Variants in CAMK4 observed in about 807,000 individuals in gnomAD.
The protein encoded by CAMK4 is calcium/calmodulin dependent protein kinase IV, also known as calcium/calmodulin-dependent protein kinase type IV.
Under a neutral mutation model 44.9 loss-of-function variants are expected in CAMK4, and 22 were observed. The ratio of observed to expected loss-of-function variants is 0.49; its 90% confidence interval spans 0.35 to 0.70. The LOEUF is 0.70. CAMK4 is among the 30% of genes least tolerant of loss of function. CAMK4 has a pLI of 0.01. For synonymous variants in CAMK4, 218 were observed against 215.4 expected (o/e 1.01, Z -0.11); for missense variants, 498 against 586.8 (o/e 0.85, Z 1.56).
At position 111,374,945 on chromosome 5, in the gene CAMK4, T is replaced by C. The variant is rs371867545; in HGVS notation, c.303+33T>C. 5.0e-4 allele frequency: 727 copies of C among 1,455,868 alleles called. 7 individuals are homozygous for C. The South Asian group carries it at 5.6e-3, about 11-fold the overall frequency. The allele number at this position is 1,455,868 out of a possible 1,614,324, so 90.2% of individuals were successfully genotyped here. A position where few individuals can be genotyped will look rare whatever the true frequency, so the allele number is the denominator to read the frequency against. The stretch of plus-strand genomic sequence containing the variant: ...GTTTTTAACCTACTATTTCAAATGA[T>C]TGCCAGAGCTAGAGAAAGGGACCTT... On this transcript the variant is annotated intron_variant, in intron 3 of 10. Coordinates refer to ENST00000282356, the MANE Select transcript of CAMK4 (RefSeq NM_001744.6).
At chr5:111,260,313 G>A (rs1320160928) in intron 1 of CAMK4, among the ~76,000 whole-genome samples, 2 of 152,046 alleles carry the variant, frequency 1.3e-5, no homozygotes, top group Non-Finnish European at 2.9e-5. Flanking sequence ...TATCTTTCTG[G>A]CATTTCATAG....
chr5:111,225,776 G>A (rs1748159915), intron 1 of CAMK4, among the ~76,000 whole-genome samples: 2 of 152,140 alleles, frequency 1.3e-5, no homozygotes, highest in South Asian at 2.1e-4. Flanking sequence ...TACTATTGAA[G>A]GCTCATTGAA....
intron 1 of CAMK4, among the ~76,000 whole-genome samples, chr5:111,273,029 AGTT>A (rs1750581769): frequency 6.6e-6 from 1 of 151,974 alleles, no homozygotes; most frequent in Admixed American, 6.6e-5. Flanking sequence ...CTGAGTCAGG[AGTT>A]GTTGTAAAGG....
chr5:111,375,173 C>T (rs780526532), intron 3 of CAMK4, among the ~76,000 whole-genome samples: 3 of 152,058 alleles, frequency 2.0e-5, no homozygotes, highest in Non-Finnish European at 4.4e-5. Flanking sequence ...GGATAAAAAT[C>T]GAAGAGTTTT....
At chr5:111,470,532 C>A (rs551494521) in intron 7 of CAMK4, among the ~76,000 whole-genome samples, 1 of 152,242 alleles carries the variant, frequency 6.6e-6, no homozygotes, top group Admixed American at 6.5e-5. Flanking sequence ...TATATCTCAA[C>A]ATAAACTGCA....
chr5:111,389,862 ACATTTGTG>A (rs1245983406), intron 4 of CAMK4, among the ~76,000 whole-genome samples: 1 of 151,850 alleles, frequency 6.6e-6, no homozygotes, highest in African/African-American at 2.4e-5. Context: ...GACACTAATT[ACATTTGTG>A]CTGGATGATA....
At chr5:111,420,682 G>T (rs544856760) in intron 5 of CAMK4, among the ~76,000 whole-genome samples, 1 of 152,176 alleles carries the variant, frequency 6.6e-6, no homozygotes, top group Non-Finnish European at 1.5e-5. Context: ...ACCTCTAGGC[G>T]TGTATTCTCT....
chr5:111,365,544 A>G (rs1158511351), intron 2 of CAMK4, among the ~76,000 whole-genome samples: 2 of 152,012 alleles, frequency 1.3e-5, no homozygotes, highest in South Asian at 2.1e-4. Flanking sequence ...GAGGTGGGAA[A>G]ATGACTACAA....
chr5:111,225,768 C>T (rs1340408906), intron 1 of CAMK4, among the ~76,000 whole-genome samples: 2 of 152,172 alleles, frequency 1.3e-5, no homozygotes, highest in African/African-American at 4.8e-5. Flanking sequence ...TTTGCTAGTA[C>T]TATTGAAGGC....
rs567729897 is a variant in CAMK4, at chr5:111,287,550, C to T, written c.162-56474C>T. The stretch of plus-strand genomic sequence containing the variant: ...AAGGAAAGTTTACTTTTCAAACATA[C>T]GTATTTACTAATACGATAGTCATAT... On this transcript the variant is annotated intron_variant, in intron 1 of 10. Transcript: ENST00000282356. 3.3e-5 allele frequency among the ~76,000 whole-genome samples: 5 copies of T among 152,222 alleles called. No individual in the cohort carries two copies. The East Asian group carries it at 5.8e-4, about 18-fold the overall frequency.
intron 8 of CAMK4, among the ~76,000 whole-genome samples, chr5:111,475,960 T>A (rs1426202754): frequency 6.6e-6 from 1 of 152,206 alleles, no homozygotes; most frequent in Non-Finnish European, 1.5e-5. Flanking sequence ...AATGAAGAAT[T>A]AGAACTAAAG....
chr5:111,234,338 T>A (rs1748618762), intron 1 of CAMK4, among the ~76,000 whole-genome samples: 1 of 152,078 alleles, frequency 6.6e-6, no homozygotes, highest in Non-Finnish European at 1.5e-5. Context: ...ACGGTTTTGA[T>A]AAGAACTTAC....
chr5:111,403,994 G>A (rs1402661493), intron 5 of CAMK4, among the ~76,000 whole-genome samples: 1 of 152,114 alleles, frequency 6.6e-6, no homozygotes, highest in African/African-American at 2.4e-5. Context: ...CTTATAAAAG[G>A]TTACAGGCTG....
At chr5:111,424,726 C>A (rs1413632677) in intron 5 of CAMK4, among the ~76,000 whole-genome samples, 1 of 151,228 alleles carries the variant, frequency 6.6e-6, no homozygotes, top group Non-Finnish European at 1.5e-5. Context: ...GGATTACAGG[C>A]GTGAGCCACC....
chr5:111,267,254 G>T (rs953827864), intron 1 of CAMK4, among the ~76,000 whole-genome samples: 1 of 152,146 alleles, frequency 6.6e-6, no homozygotes, highest in African/African-American at 2.4e-5. Context: ...TTTCAAGATC[G>T]TAATTTGGGC....
intron 5 of CAMK4, among the ~76,000 whole-genome samples, chr5:111,422,534 C>T (rs1049365336): frequency 1.3e-5 from 2 of 152,134 alleles, no homozygotes; most frequent in Non-Finnish European, 2.9e-5. Flanking sequence ...TTTTAAGTCT[C>T]ATTCTGTACA....
chr5:111,412,858 C>A (rs1481535375), intron 5 of CAMK4, among the ~76,000 whole-genome samples: 1 of 152,092 alleles, frequency 6.6e-6, no homozygotes, highest in African/African-American at 2.4e-5. Context: ...AAGTTACCAC[C>A]CTTTTCCTAG....
At chr5:111,311,663 T>C (rs1748208972) in intron 1 of CAMK4, among the ~76,000 whole-genome samples, 1 of 152,178 alleles carries the variant, frequency 6.6e-6, no homozygotes, top group Non-Finnish European at 1.5e-5. Flanking sequence ...TTCTTTGCTC[T>C]TCTTGGGAAT....
chr5:111,422,684 A>C (rs1328419829), intron 5 of CAMK4, among the ~76,000 whole-genome samples: 1 of 152,206 alleles, frequency 6.6e-6, no homozygotes, highest in East Asian at 1.9e-4. Flanking sequence ...GAAAGCAGCT[A>C]TCTTTAATCA....
Sources: allele counts gnomAD v4.1 joint callset (sites outside exome capture counted in the v4.1 genomes callset), GRCh38; gene constraint gnomAD v4.1.1; transcripts MANE v1.5; gene names NCBI Gene and HGNC (gene_info 2026-07-23, HGNC 2026-07-21).